The following SLC9C1 variants were observed in gnomAD, a reference collection of about 807,000 sequenced individuals.
SLC9C1 encodes sodium/hydrogen exchanger 10.
SLC9C1 carries 97 observed loss-of-function variants against 140.9 expected under a neutral mutation model. That is an observed-to-expected ratio of 0.69 (90% CI 0.58 to 0.82). SLC9C1 has a LOEUF of 0.82. SLC9C1 is among the 40% of genes least tolerant of loss of function. The pLI is 0.00. For synonymous variants in SLC9C1, 440 were observed against 442.6 expected, an observed-to-expected ratio of 0.99 and a Z score of 0.07; for missense variants, 1,340 against 1,389.3, an observed-to-expected ratio of 0.96 and a Z score of 0.56.
intron 28 of SLC9C1, among the ~76,000 whole-genome samples, chr3:112,150,654 C>T (rs1361997288): frequency 6.6e-6 from 1 of 150,758 alleles, no homozygotes; most frequent in Non-Finnish European, 1.5e-5. Flanking sequence ...CTTGCAAATA[C>T]TTTTTTATAG....
Position 112,277,800 on chromosome 3 carries a change from C to T in SLC9C1, c.379G>A (p.Ala127Thr). The change falls in exon 5 of 29, where the codon GCA becomes ACA. Residue 127 changes from alanine (A) to threonine (T), a missense_variant. Transcript: ENST00000305815. ...VNYILVLWHL[A>T]SVNQLLLKPT... ...TTCAAAAGTAATTGATTTACAGATG[C>T]CAGATGCCAAAGAACTAAGATATAA... 6.2e-7 allele frequency: 1 copy of T among 1,611,616 alleles called. No homozygotes were observed. Among genetic ancestry groups the T allele is most frequent in the Admixed American group, 1.7e-5 (1 of 59,740 alleles).
At chr3:112,210,618 T>C (rs891587296) in intron 15 of SLC9C1, among the ~76,000 whole-genome samples, 1 of 152,254 alleles carries the variant, frequency 6.6e-6, no homozygotes, top group African/African-American at 2.4e-5. Flanking sequence ...TTATACACTT[T>C]AAAATGGTTA....
chr3:112,192,184 C>A (rs1314980971), intron 20 of SLC9C1, among the ~76,000 whole-genome samples: 2 of 152,014 alleles, frequency 1.3e-5, no homozygotes, highest in Non-Finnish European at 2.9e-5. Flanking sequence ...TGTTGCTTAA[C>A]CATCACTACC....
chr3:112,278,546 C>T (rs1288099641), intron 4 of SLC9C1, among the ~76,000 whole-genome samples, 183 bp downstream of exon 4: 1 of 152,060 alleles, frequency 6.6e-6, no homozygotes, highest in African/African-American at 2.4e-5. Flanking sequence ...TCCCCTGGGT[C>T]TTTGATATGC....
intron 23 of SLC9C1, among the ~76,000 whole-genome samples, chr3:112,171,329 C>T (rs2077243903): frequency 6.6e-6 from 1 of 152,018 alleles, no homozygotes; most frequent in Non-Finnish European, 1.5e-5. Flanking sequence ...ATTGACGTAC[C>T]ACTGTGGGTT....
At chr3:112,274,029 A>G (rs1004379751) in intron 6 of SLC9C1, among the ~76,000 whole-genome samples, 13 of 152,118 alleles carry the variant, frequency 8.5e-5, no homozygotes, top group African/African-American at 2.9e-4. Context: ...AACCAGCGCA[A>G]GTGCACCACA....
chr3:112,164,823 T>C (rs957115868), intron 26 of SLC9C1, among the ~76,000 whole-genome samples: 8 of 152,178 alleles, frequency 5.3e-5, no homozygotes, highest in African/African-American at 1.7e-4. Flanking sequence ...TTGGCTGCCC[T>C]GCTAGATTGG....
In SLC9C1 at chr3:112,274,967, TATAAC is replaced by T. The variant is rs2080175365; in HGVS notation, c.538_542del (p.Val180IlefsTer7). 3 of 1,581,208 alleles carry T rather than the reference TATAAC, an allele frequency of 1.9e-6. No homozygotes were observed. The African/African-American group carries it at 4.1e-5, about 22-fold the overall frequency. On this transcript the variant is annotated frameshift_variant, in exon 6 of 29. Transcript: ENST00000305815. LOFTEE classifies it high-confidence loss of function. ...TAATACTAGTAAATGTAATTAATGA[TATAAC>T]AGAGGTCATCAGACTTTCTCCATTA...
Position 112,176,578 on chromosome 3 carries a change from A to G in SLC9C1, c.2919+2953T>C, listed in dbSNP as rs550421903. 1.2e-4 allele frequency among the ~76,000 whole-genome samples: 19 copies of G among 152,298 alleles called. No homozygotes were observed. In the East Asian group the frequency reaches 3.7e-3, roughly 29 times the overall value. ...CTTTTATACTATAGATCACAATTTCATGCTTCTTTGCTTGTTTTGTAATTC... is the reference window on the plus strand; with the variant it reads ...CTTTTATACTATAGATCACAATTTCGTGCTTCTTTGCTTGTTTTGTAATTC... On this transcript the variant is annotated intron_variant, in intron 23 of 28. Coordinates refer to ENST00000305815, the MANE Select transcript of SLC9C1 (RefSeq NM_183061.3).
At chr3:112,166,750 T>C (rs2077146888) in intron 26 of SLC9C1, among the ~76,000 whole-genome samples, 1 of 152,106 alleles carries the variant, frequency 6.6e-6, no homozygotes, top group Non-Finnish European at 1.5e-5. Flanking sequence ...ATCTCAAAAG[T>C]ATTTTTCAAA....
chr3:112,243,845 C>T lies in SLC9C1; in HGVS notation c.1279+150G>A, dbSNP rs959209986. 6.2e-6 allele frequency: 3 copies of T among 487,222 alleles called. No individual in the cohort carries two copies. In the Admixed American group the frequency reaches 1.2e-4, roughly 19 times the overall value. 30.2% of individuals were successfully genotyped at this position (487,222 alleles called of 1,614,324 possible). A position where few individuals can be genotyped will look rare whatever the true frequency, so the allele number is the denominator to read the frequency against. ...AGCTAGGACAACAGGTGTGCACTGC[C>T]ACGCCTGGCTAATTTTTAAACTTTT... On this transcript the variant is annotated intron_variant, in intron 11 of 28. Transcript: ENST00000305815.
chr3:112,188,608 G>T (rs1425385166), intron 20 of SLC9C1, among the ~76,000 whole-genome samples: 1 of 152,104 alleles, frequency 6.6e-6, no homozygotes, highest in East Asian at 1.9e-4. Context: ...GTGTATATGT[G>T]CCACATTTTC....
chr3:112,163,620 C>G (rs2107896420), intron 26 of SLC9C1, among the ~76,000 whole-genome samples: 1 of 151,910 alleles, frequency 6.6e-6, no homozygotes, highest in South Asian at 2.1e-4. Context: ...AGTTTGATTG[C>G]ACTGTGGTCT....
intron 10 of SLC9C1, among the ~76,000 whole-genome samples, chr3:112,247,872 A>AGT (rs56782439): frequency 0.017 from 2,494 of 149,796 alleles, 52 homozygotes; most frequent in African/African-American, 0.043. Flanking sequence ...TTTACTCTTG[A>AGT]GTGTGTGTGT....
chr3:112,212,588 C>T (rs967782451), intron 15 of SLC9C1, among the ~76,000 whole-genome samples: 1 of 152,060 alleles, frequency 6.6e-6, no homozygotes, highest in Non-Finnish European at 1.5e-5. Flanking sequence ...ATTAGATCAA[C>T]TGGAAGAAAG....
chr3:112,259,360 A>T (rs1160717323), intron 10 of SLC9C1, among the ~76,000 whole-genome samples: 1 of 151,440 alleles, frequency 6.6e-6, no homozygotes, highest in African/African-American at 2.4e-5. Flanking sequence ...TAGGCTTGGT[A>T]CCTGGGTGAT....
In SLC9C1 at chr3:112,278,724, C is replaced by T; in HGVS notation, c.318+5G>A. The stretch of plus-strand genomic sequence containing the variant: ...TGAATGATATTACCAAAAAAGAATG[C>T]TTACCTGCCAAAATAACTTTTGAAG... On this transcript the variant is annotated splice_donor_5th_base_variant and intron_variant, in intron 4 of 28. Coordinates refer to ENST00000305815, the MANE Select transcript of SLC9C1 (RefSeq NM_183061.3). 6.3e-7 allele frequency: 1 copy of T among 1,591,200 alleles called. No homozygotes were observed.
chr3:112,260,540 C>A (rs1214546381), intron 10 of SLC9C1, among the ~76,000 whole-genome samples: 1 of 152,028 alleles, frequency 6.6e-6, no homozygotes, highest in Non-Finnish European at 1.5e-5. Context: ...TCTTGAGAGT[C>A]TTGATTACAT....
At chr3:112,166,904 G>A (rs1231300085) in intron 26 of SLC9C1, among the ~76,000 whole-genome samples, 2 of 152,098 alleles carry the variant, frequency 1.3e-5, no homozygotes, top group Non-Finnish European at 2.9e-5. Flanking sequence ...TGTTCAGACA[G>A]TACAATGCTC....
Sources: allele counts gnomAD v4.1 joint callset (sites outside exome capture counted in the v4.1 genomes callset), GRCh38; gene constraint gnomAD v4.1.1; transcripts MANE v1.5; gene names NCBI Gene and HGNC (gene_info 2026-07-23, HGNC 2026-07-21).